Variants in TENM2 observed in about 807,000 individuals in gnomAD.
TENM2 encodes teneurin-2.
A neutral mutation model predicts 245.2 loss-of-function variants in TENM2; 52 were observed. That is an observed-to-expected ratio of 0.21 (90% CI 0.17 to 0.27). The LOEUF (loss-of-function observed/expected upper bound fraction) is 0.27. Among genes scored for constraint, TENM2 ranks in the 10% least tolerant of loss-of-function variants. The pLI is 1.00. For missense variants in TENM2, 3,046 were observed against 3,666.8 expected, an observed-to-expected ratio of 0.83 and a Z score of 4.37; for synonymous variants, 1,363 against 1,438.9, an observed-to-expected ratio of 0.95 and a Z score of 1.19.
chr5:167,227,062 C>A, the TENM2 span, among the ~76,000 whole-genome samples: 1 of 110,726 alleles, frequency 9.0e-6, no homozygotes, highest in South Asian at 2.8e-4. Flanking sequence ...ATATCTTTTT[C>A]CATCTCTTTA....
chr5:167,975,667 T>C (rs988167357), intron 4 of TENM2, among the ~76,000 whole-genome samples: 2 of 152,168 alleles, frequency 1.3e-5, no homozygotes, highest in Non-Finnish European at 2.9e-5. Flanking sequence ...TGAAGAGTTC[T>C]AAATAAGAAG....
chr5:168,227,935 C>G, exon 25 of TENM2: 1 of 1,613,174 alleles, frequency 6.2e-7, no homozygotes. Flanking sequence ...ATAATGGTAC[C>G]CTGAGGGTGA....
chr5:167,769,700 A>T (rs189987520), intron 2 of TENM2, among the ~76,000 whole-genome samples: 2 of 152,114 alleles, frequency 1.3e-5, no homozygotes, highest in Admixed American at 6.6e-5. Flanking sequence ...TATGTCTGCA[A>T]ATCAACACTC....
the TENM2 span, among the ~76,000 whole-genome samples, chr5:167,230,035 T>C: frequency 3.3e-5 from 5 of 152,160 alleles, no homozygotes; most frequent in African/African-American, 1.2e-4. Context: ...GCAGGATTGC[T>C]TCTTGTGGCT....
intron 2 of TENM2, among the ~76,000 whole-genome samples, chr5:167,493,313 T>C (rs886577556): frequency 1.3e-5 from 2 of 152,050 alleles, no homozygotes; most frequent in African/African-American, 4.8e-5. Flanking sequence ...GAAACCTTTA[T>C]TGGCACAATG....
At chr5:167,349,051 A>G (rs529444652) in intron 1 of TENM2, among the ~76,000 whole-genome samples, 24 of 152,292 alleles carry the variant, frequency 1.6e-4, no homozygotes, top group South Asian at 1.5e-3. Flanking sequence ...AAATTCCCCC[A>G]CTTCAAGTGT....
chr5:167,371,245 C>T (rs1236189743), intron 1 of TENM2, among the ~76,000 whole-genome samples: 2 of 151,510 alleles, frequency 1.3e-5, no homozygotes, highest in Non-Finnish European at 2.9e-5. Context: ...GGTGAACAGG[C>T]TGTGAAGGCA....
intron 5 of TENM2, among the ~76,000 whole-genome samples, chr5:168,032,229 G>A (rs55859018): frequency 6.6e-6 from 1 of 151,978 alleles, no homozygotes; most frequent in South Asian, 2.1e-4. Flanking sequence ...CCAAAAAGGG[G>A]AATTTCATGT....
At chr5:167,886,619 G>A (rs1384859427) in intron 3 of TENM2, among the ~76,000 whole-genome samples, 1 of 152,228 alleles carries the variant, frequency 6.6e-6, no homozygotes, top group African/African-American at 2.4e-5. Context: ...AAAGGTAAAT[G>A]TGGTTGCTGC....
At chr5:167,167,693 T>C in the TENM2 span, among the ~76,000 whole-genome samples, 21 of 152,322 alleles carry the variant, frequency 1.4e-4, no homozygotes, top group Non-Finnish European at 2.1e-4. Flanking sequence ...CAACATATTG[T>C]GACTGTTTCA....
the TENM2 span, among the ~76,000 whole-genome samples, chr5:167,184,719 C>G: frequency 2.6e-5 from 4 of 152,166 alleles, no homozygotes; most frequent in African/African-American, 9.7e-5. Context: ...CCCATCTGTG[C>G]TGCCTGACCT....
the TENM2 span, among the ~76,000 whole-genome samples, chr5:167,219,640 C>G: frequency 6.6e-6 from 1 of 152,200 alleles, no homozygotes; most frequent in Admixed American, 6.5e-5. Context: ...GACAATTAAG[C>G]ATTAGCTTTT....
chr5:167,786,107 T>C (rs1170213217), intron 2 of TENM2, among the ~76,000 whole-genome samples: 1 of 152,240 alleles, frequency 6.6e-6, no homozygotes, highest in African/African-American at 2.4e-5. Flanking sequence ...ACATTTTTTT[T>C]TCTGTCTCTG....
the TENM2 span, among the ~76,000 whole-genome samples, chr5:167,112,297 TC>T: frequency 6.6e-6 from 1 of 152,210 alleles, no homozygotes; most frequent in African/African-American, 2.4e-5. Context: ...AATGGATTCT[TC>T]CCATTGAGAT....
intron 2 of TENM2, among the ~76,000 whole-genome samples, chr5:167,522,486 T>A (rs1255747771): frequency 6.6e-6 from 1 of 152,080 alleles, no homozygotes; most frequent in African/African-American, 2.4e-5. Flanking sequence ...CCCCTCATTT[T>A]CTTTCTCTGG....
At chr5:167,088,431 A>C in the TENM2 span, among the ~76,000 whole-genome samples, 1 of 152,064 alleles carries the variant, frequency 6.6e-6, no homozygotes, top group Non-Finnish European at 1.5e-5. Flanking sequence ...GTTCGAGACT[A>C]GTCTGGCCAA....
intron 2 of TENM2, among the ~76,000 whole-genome samples, chr5:167,494,869 AC>A (rs1768702615): frequency 6.6e-6 from 1 of 152,142 alleles, no homozygotes; most frequent in African/African-American, 2.4e-5. Flanking sequence ...AATATATTCA[AC>A]CAACTGCAAT....
chr5:167,152,389 C>A, the TENM2 span, among the ~76,000 whole-genome samples: 1 of 152,022 alleles, frequency 6.6e-6, no homozygotes, highest in Non-Finnish European at 1.5e-5. Context: ...TTAACAGTAA[C>A]GTGAAAGCTA....
At chr5:167,354,645 A>G (rs569198809) in intron 1 of TENM2, among the ~76,000 whole-genome samples, 2 of 152,316 alleles carry the variant, frequency 1.3e-5, no homozygotes, top group African/African-American at 4.8e-5. Flanking sequence ...TAGCCTTTGA[A>G]GTCAAAAAAG....
Sources: allele counts gnomAD v4.1 joint callset (sites outside exome capture counted in the v4.1 genomes callset), GRCh38; gene constraint gnomAD v4.1.1; transcripts MANE v1.5; gene names NCBI Gene and HGNC (gene_info 2026-07-23, HGNC 2026-07-21).